Variants in ATRNL1 observed in about 807,000 individuals in gnomAD.
ATRNL1 encodes the protein attractin-like protein 1.
A neutral mutation model predicts 182.7 loss-of-function variants in ATRNL1; 95 were observed. That is an observed-to-expected ratio of 0.52 (90% CI 0.44 to 0.62). The LOEUF is 0.62. Ranked by LOEUF, ATRNL1 falls within the 20% of genes least tolerant of loss-of-function variation. The pLI, the probability that ATRNL1 is intolerant of heterozygous loss-of-function variation, is 0.00. For missense variants in ATRNL1, 1,471 were observed against 1,679.5 expected (o/e 0.88, Z 2.17); for synonymous variants, 576 against 568.3 (o/e 1.01, Z -0.19).
intron 27 of ATRNL1, among the ~76,000 whole-genome samples, chr10:115,806,006 A>G (rs1196428133): frequency 7.2e-5 from 11 of 152,196 alleles, no homozygotes; most frequent in Admixed American, 2.0e-4. Context: ...TAACCATTAT[A>G]TAAAATTAAT....
chr10:115,274,948 T>C (rs1837860185), intron 13 of ATRNL1, among the ~76,000 whole-genome samples: 1 of 152,230 alleles, frequency 6.6e-6, no homozygotes, highest in African/African-American at 2.4e-5. Context: ...ATCTGTCTTC[T>C]GCATAGACTA....
chr10:115,926,781 CA>C (rs1219256100), intron 28 of ATRNL1, among the ~76,000 whole-genome samples: 1 of 151,348 alleles, frequency 6.6e-6, no homozygotes, highest in African/African-American at 2.4e-5. Flanking sequence ...GCCTACCAAC[CA>C]AAAAAAAGTC....
chr10:115,787,202 A>T (rs1949418245), intron 27 of ATRNL1, among the ~76,000 whole-genome samples: 1 of 152,180 alleles, frequency 6.6e-6, no homozygotes, highest in Non-Finnish European at 1.5e-5. Flanking sequence ...TGTATTCAAT[A>T]GTCTTGTACC....
chr10:115,541,285 A>G (rs1228236758), intron 25 of ATRNL1, among the ~76,000 whole-genome samples: 1 of 151,550 alleles, frequency 6.6e-6, no homozygotes, highest in East Asian at 1.9e-4. Context: ...AAGACATCCA[A>G]GTGTCCAACA....
At chr10:115,780,822 G>T (rs1459449439) in intron 27 of ATRNL1, among the ~76,000 whole-genome samples, 2 of 152,162 alleles carry the variant, frequency 1.3e-5, no homozygotes, top group Non-Finnish European at 2.9e-5. Context: ...GTGGGCTTTG[G>T]GTAGAATGCT....
chr10:115,259,572 C>T (rs564302323), intron 10 of ATRNL1, among the ~76,000 whole-genome samples: 23 of 152,184 alleles, frequency 1.5e-4, no homozygotes, highest in Non-Finnish European at 2.6e-4. Context: ...TTGTGCTTCC[C>T]GGGTGAGGTG....
At chr10:115,916,468 G>A (rs12243113) in intron 28 of ATRNL1, among the ~76,000 whole-genome samples, 12,335 of 152,216 alleles carry the variant, frequency 0.081, 1,438 homozygotes, top group African/African-American at 0.26. Context: ...CAAAATGGCT[G>A]TAAATACAAC....
intron 21 of ATRNL1, among the ~76,000 whole-genome samples, chr10:115,428,833 T>C (rs1846021936): frequency 6.6e-6 from 1 of 152,096 alleles, no homozygotes; most frequent in South Asian, 2.1e-4. Flanking sequence ...TGTGAACATA[T>C]GTTTTTATTT....
At chr10:115,698,479 A>T (rs1946631117) in intron 26 of ATRNL1, among the ~76,000 whole-genome samples, 1 of 152,036 alleles carries the variant, frequency 6.6e-6, no homozygotes, top group African/African-American at 2.4e-5. Context: ...AGTTGTTGCT[A>T]GTGTCAAGAA....
chr10:115,346,715 C>A (rs1228456553), intron 19 of ATRNL1, among the ~76,000 whole-genome samples: 1 of 146,826 alleles, frequency 6.8e-6, no homozygotes, highest in Non-Finnish European at 1.5e-5. Context: ...AAATCTTTTA[C>A]TTATTTTATA....
At chr10:115,193,347 A>G (rs1178346620) in intron 8 of ATRNL1, among the ~76,000 whole-genome samples, 2 of 151,966 alleles carry the variant, frequency 1.3e-5, no homozygotes, top group Non-Finnish European at 1.5e-5. Flanking sequence ...TGTTGACACC[A>G]TCAGGTACTA....
chr10:115,849,997 T>C (rs1475564588), intron 28 of ATRNL1, among the ~76,000 whole-genome samples: 3 of 152,194 alleles, frequency 2.0e-5, no homozygotes, highest in Non-Finnish European at 2.9e-5. Flanking sequence ...GAAACTATGA[T>C]GAGTATCTGC....
intron 10 of ATRNL1, among the ~76,000 whole-genome samples, chr10:115,248,950 T>C (rs1554904745): frequency 6.6e-6 from 1 of 152,198 alleles, no homozygotes; most frequent in Non-Finnish European, 1.5e-5. Context: ...TTCTGTCTTA[T>C]TTCAAATTTG....
chr10:115,699,899 C>T (rs781865631), intron 26 of ATRNL1, among the ~76,000 whole-genome samples: 1 of 152,078 alleles, frequency 6.6e-6, no homozygotes, highest in Non-Finnish European at 1.5e-5. Context: ...TCCATGAGTG[C>T]TCAGTGTTTA....
chr10:115,647,268 ATG>A (rs1859692406), intron 26 of ATRNL1, among the ~76,000 whole-genome samples: 1 of 152,138 alleles, frequency 6.6e-6, no homozygotes, highest in African/African-American at 2.4e-5. Flanking sequence ...ATATGTGTGC[ATG>A]TGTCTTTATA....
At chr10:115,655,442 C>G (rs72824799) in intron 26 of ATRNL1, among the ~76,000 whole-genome samples, 1 of 151,908 alleles carries the variant, frequency 6.6e-6, no homozygotes, top group African/African-American at 2.4e-5. Flanking sequence ...CTTCATAGAT[C>G]GACATGAACA....
intron 18 of ATRNL1, among the ~76,000 whole-genome samples, chr10:115,324,693 G>C (rs782375151): frequency 6.6e-6 from 1 of 152,146 alleles, no homozygotes; most frequent in African/African-American, 2.4e-5. Flanking sequence ...TGTAGAGCTT[G>C]TGATGTGTTT....
At chr10:115,380,272 A>G (rs1857922523) in intron 19 of ATRNL1, among the ~76,000 whole-genome samples, 1 of 152,224 alleles carries the variant, frequency 6.6e-6, no homozygotes, top group Admixed American at 6.5e-5. Flanking sequence ...CAAAGGTAAT[A>G]ATCATAAGCA....
chr10:115,859,512 A>G (rs184653768), intron 28 of ATRNL1, among the ~76,000 whole-genome samples: 104 of 152,334 alleles, frequency 6.8e-4, no homozygotes, highest in African/African-American at 2.5e-3. Flanking sequence ...GGAACTCCCT[A>G]GATCCAGAAA....
Sources: gnomAD v4.1 joint callset for allele counts (sites outside exome capture counted in the v4.1 genomes callset) on GRCh38, gnomAD v4.1.1 for gene constraint, MANE v1.5 for transcripts, NCBI Gene and HGNC (gene_info 2026-07-23, HGNC 2026-07-21) for gene names.